The following PRKCA variants were observed in gnomAD, a reference collection of about 807,000 sequenced individuals.
PRKCA encodes the protein protein kinase C alpha type.
PRKCA carries 27 observed loss-of-function variants against 87.0 expected under a neutral mutation model. That is an observed-to-expected ratio of 0.31 (90% confidence interval 0.23 to 0.43). The LOEUF is 0.43. Among genes scored for constraint, PRKCA ranks in the 20% least tolerant of loss-of-function variants. The pLI, the probability that PRKCA is intolerant of heterozygous loss-of-function variation, is 1.00. For synonymous variants in PRKCA, 329 were observed against 311.1 expected (o/e 1.06, Z -0.61); for missense variants, 518 against 852.3 (o/e 0.61, Z 4.88).
chr17:66,549,887 G>A (rs1424046265), intron 3 of PRKCA, among the ~76,000 whole-genome samples: 1 of 152,106 alleles, frequency 6.6e-6, no homozygotes, highest in African/African-American at 2.4e-5. Context: ...GAAGTGAAGG[G>A]GGTTAAGAAA....
intron 5 of PRKCA, among the ~76,000 whole-genome samples, chr17:66,685,148 C>T (rs1217747304): frequency 2.0e-5 from 3 of 152,128 alleles, no homozygotes; most frequent in Non-Finnish European, 2.9e-5. Context: ...GTATAGTGAG[C>T]ACTCACACCA....
At chr17:66,453,349 G>T (rs1914421319) in intron 2 of PRKCA, among the ~76,000 whole-genome samples, 1 of 149,270 alleles carries the variant, frequency 6.7e-6, no homozygotes. Context: ...ATAGAGTCTT[G>T]CTTTGTCACC....
rs557347003 is a variant in PRKCA at position 66,372,640 on chromosome 17, CT to C, written c.205+66518del. 2.9e-3 allele frequency among the ~76,000 whole-genome samples: 447 copies of C among 152,240 alleles called. 2 individuals are homozygous for C. Among genetic ancestry groups the C allele is most frequent in the Non-Finnish European group, 4.8e-3 (325 of 68,010 alleles). ...TCCCACATAACTATGTAAGTATATTCTTTTTCAGCAGTTTTCTCTGGGGAGT... is the reference window on the plus strand; with the variant it reads ...TCCCACATAACTATGTAAGTATATTCTTTTCAGCAGTTTTCTCTGGGGAGT... On this transcript the variant is annotated intron_variant, in intron 2 of 16. Transcript: ENST00000413366.
intron 3 of PRKCA, among the ~76,000 whole-genome samples, chr17:66,614,436 C>G (rs573163758): frequency 1.3e-5 from 2 of 152,200 alleles, no homozygotes; most frequent in Non-Finnish European, 2.9e-5. Context: ...AAGTTACTTT[C>G]TATTTATTCT....
chr17:66,318,483 G>T (rs1450492982), intron 2 of PRKCA, among the ~76,000 whole-genome samples: 1 of 152,040 alleles, frequency 6.6e-6, no homozygotes, highest in South Asian at 2.1e-4. Context: ...ATGTCTGTGT[G>T]ATGCAAATTA....
intron 2 of PRKCA, among the ~76,000 whole-genome samples, chr17:66,381,193 C>T (rs959411497): frequency 4.6e-5 from 7 of 152,046 alleles, no homozygotes; most frequent in African/African-American, 7.3e-5. Flanking sequence ...CCCCCTGCCT[C>T]GGCCTCCCAA....
intron 2 of PRKCA, among the ~76,000 whole-genome samples, chr17:66,328,019 A>G (rs1906089661): frequency 6.6e-6 from 1 of 152,188 alleles, no homozygotes; most frequent in African/African-American, 2.4e-5. Context: ...AGTGTGTAAC[A>G]GGGGACCTAA....
At chr17:66,573,935 G>C (rs533629733) in intron 3 of PRKCA, among the ~76,000 whole-genome samples, 1 of 152,206 alleles carries the variant, frequency 6.6e-6, no homozygotes, top group Admixed American at 6.5e-5. Context: ...AAACCAGCCT[G>C]GGTTTAACAC....
intron 3 of PRKCA, among the ~76,000 whole-genome samples, chr17:66,573,248 C>T (rs1969131097): frequency 6.6e-6 from 1 of 152,092 alleles, no homozygotes; most frequent in East Asian, 1.9e-4. Context: ...GCAGCTAAGC[C>T]CACACTCCTG....
chr17:66,799,061 G>GTAA (rs1975791920), intron 16 of PRKCA, among the ~76,000 whole-genome samples: 1 of 32,456 alleles, frequency 3.1e-5, no homozygotes, highest in African/African-American at 1.3e-4. Context: ...GATGGTGGTG[G>GTAA]TGGTGGTGGT....
At chr17:66,448,272 G>T (rs2055660281) in intron 2 of PRKCA, among the ~76,000 whole-genome samples, 2 of 152,242 alleles carry the variant, frequency 1.3e-5, no homozygotes, top group East Asian at 3.9e-4. Context: ...TCACATTGCA[G>T]TCTGCCCTAA....
chr17:66,460,693 G>A (rs1225647861), intron 2 of PRKCA, among the ~76,000 whole-genome samples: 1 of 152,122 alleles, frequency 6.6e-6, no homozygotes, highest in African/African-American at 2.4e-5. Context: ...CAGCTGATGG[G>A]GCAGACCAGC....
intron 8 of PRKCA, among the ~76,000 whole-genome samples, chr17:66,691,512 A>G (rs1428236503): frequency 6.6e-6 from 1 of 152,136 alleles, no homozygotes; most frequent in Non-Finnish European, 1.5e-5. Context: ...CCCTTGCTTC[A>G]TTATCTGTTT....
intron 3 of PRKCA, among the ~76,000 whole-genome samples, chr17:66,539,865 T>C (rs752913421): frequency 7.9e-5 from 12 of 152,238 alleles, no homozygotes; most frequent in Admixed American, 6.5e-5. Flanking sequence ...GAATGCAGTG[T>C]GCAGTCCTAG....
intron 8 of PRKCA, among the ~76,000 whole-genome samples, chr17:66,702,587 C>A (rs1265431346): frequency 6.6e-6 from 1 of 152,036 alleles, no homozygotes; most frequent in Non-Finnish European, 1.5e-5. Context: ...CACACACACA[C>A]AATGGTAACT....
intron 3 of PRKCA, among the ~76,000 whole-genome samples, chr17:66,621,428 A>G (rs1180893964): frequency 6.6e-6 from 1 of 152,214 alleles, no homozygotes; most frequent in African/African-American, 2.4e-5. Flanking sequence ...GTTTAAAAAC[A>G]TACTTTGCTT....
chr17:66,664,647 G>GTTTTTTT (rs398031366), intron 5 of PRKCA, among the ~76,000 whole-genome samples: 1 of 67,788 alleles, frequency 1.5e-5, no homozygotes, highest in Non-Finnish European at 2.7e-5. Flanking sequence ...TTTTGCTTTG[G>GTTTTTTT]TTTTTTTTTT....
intron 2 of PRKCA, among the ~76,000 whole-genome samples, chr17:66,433,207 G>A (rs1289958470): frequency 6.6e-6 from 1 of 152,176 alleles, no homozygotes; most frequent in African/African-American, 2.4e-5. Flanking sequence ...ATACCTCAGT[G>A]TATGTGTTCC....
At position 66,324,233 on chromosome 17, in the gene PRKCA, TTACTC is replaced by T. The variant is rs536931833; in HGVS notation, c.205+18108_205+18112del. On this transcript the variant is annotated intron_variant, in intron 2 of 16. Coordinates refer to ENST00000413366, the MANE Select transcript of PRKCA (RefSeq NM_002737.3). ...AGAGTTTTCATAAAAATTAGCCTCT[TTACTC>T]TTATCAGGGAGTTTAAAATATAACT... is the stretch of plus-strand genomic sequence containing the variant. Among the ~76,000 whole-genome samples, 1,311 of 152,170 alleles carry T rather than the reference TTACTC, an allele frequency of 8.6e-3. 24 individuals are homozygous for T. Among genetic ancestry groups the T allele is most frequent in the African/African-American group, 0.03 (1,238 of 41,528 alleles).
Sources: allele counts gnomAD v4.1 joint callset (sites outside exome capture counted in the v4.1 genomes callset), GRCh38; gene constraint gnomAD v4.1.1; transcripts MANE v1.5; gene names NCBI Gene and HGNC (gene_info 2026-07-23, HGNC 2026-07-21).